The following NTM variants were observed in gnomAD, a reference collection of about 807,000 sequenced individuals.
NTM encodes neurotrimin, also known as IgLON family member 2.
NTM carries 13 observed loss-of-function variants against 42.1 expected under a neutral mutation model. The observed-to-expected ratio is 0.31, with a 90% CI of 0.20 to 0.49. NTM has a LOEUF of 0.49. Among genes scored for constraint, NTM ranks in the 20% least tolerant of loss-of-function variants. The pLI is 0.99. For missense variants in NTM, 373 were observed against 452.8 expected, an observed-to-expected ratio of 0.82 and a Z score of 1.60; for synonymous variants, 187 against 179.2, an observed-to-expected ratio of 1.04 and a Z score of -0.35.
rs563233354 is a variant in NTM, at chr11:131,831,101, A to G, written c.83-80463A>G. On this transcript the variant is annotated intron_variant, in intron 1 of 8. Transcript: ENST00000683400. ...TAGGGTTTTCTACATATGGAATCAC[A>G]TCATCAGCAAAGAAAGATAGTTTGA... Among the ~76,000 whole-genome samples, 5 of 152,292 alleles carry G rather than the reference A, an allele frequency of 3.3e-5. No homozygotes were observed. The East Asian group carries it at 9.7e-4, about 29-fold the overall frequency.
chr11:131,816,590 C>T (rs2092961118), intron 1 of NTM, among the ~76,000 whole-genome samples: 1 of 151,664 alleles, frequency 6.6e-6, no homozygotes, highest in Non-Finnish European at 1.5e-5. Context: ...TCCAATTTAT[C>T]ACTGGCAAAT....
chr11:131,768,304 G>T (rs566461699), intron 1 of NTM, among the ~76,000 whole-genome samples: 30 of 152,092 alleles, frequency 2.0e-4, no homozygotes, highest in African/African-American at 7.2e-4. Context: ...TTTTAGTACA[G>T]ACGGGGTTTC....
chr11:131,999,089 G>T (rs538143658), intron 2 of NTM, among the ~76,000 whole-genome samples: 9 of 152,206 alleles, frequency 5.9e-5, no homozygotes, highest in African/African-American at 1.4e-4. Flanking sequence ...TTTGTGATGT[G>T]GAAGTTTAAC....
intron 1 of NTM, among the ~76,000 whole-genome samples, chr11:131,793,877 A>C (rs928108858): frequency 2.6e-5 from 4 of 152,170 alleles, no homozygotes; most frequent in Admixed American, 2.6e-4. Context: ...GCTTCAGGTC[A>C]TTTCTATACC....
chr11:132,299,419 G>A (rs1288147071), intron 4 of NTM, among the ~76,000 whole-genome samples: 1 of 152,202 alleles, frequency 6.6e-6, no homozygotes, highest in Non-Finnish European at 1.5e-5. Flanking sequence ...GTATGGCAAG[G>A]TGGAGGAGCC....
chr11:132,219,056 C>T (rs768631622), intron 4 of NTM, among the ~76,000 whole-genome samples: 6 of 152,104 alleles, frequency 3.9e-5, no homozygotes, highest in Admixed American at 1.3e-4. Context: ...CCCATTTTCT[C>T]CACACACCAC....
chr11:131,590,197 T>C (rs1424542749), intron 1 of NTM, among the ~76,000 whole-genome samples: 1 of 152,222 alleles, frequency 6.6e-6, no homozygotes, highest in Non-Finnish European at 1.5e-5. Context: ...AAGTCATCTG[T>C]GTCCTTTCTG....
chr11:131,609,007 A>G (rs2061245578), intron 1 of NTM, among the ~76,000 whole-genome samples: 4 of 152,222 alleles, frequency 2.6e-5, no homozygotes, highest in Non-Finnish European at 5.9e-5. Flanking sequence ...ACACCAGGGG[A>G]GCTCATTTAT....
intron 1 of NTM, among the ~76,000 whole-genome samples, chr11:131,619,988 A>G (rs2062358325): frequency 6.6e-6 from 1 of 152,014 alleles, no homozygotes; most frequent in African/African-American, 2.4e-5. Flanking sequence ...TATTTTTAGT[A>G]GAGATGGGGT....
At chr11:131,988,098 T>C (rs529363925) in intron 2 of NTM, among the ~76,000 whole-genome samples, 2 of 152,342 alleles carry the variant, frequency 1.3e-5, no homozygotes, top group East Asian at 3.9e-4. Flanking sequence ...CCTCAGATGG[T>C]GCCTTCTTGC....
At chr11:131,825,977 A>G (rs1222326565) in intron 1 of NTM, among the ~76,000 whole-genome samples, 2 of 152,206 alleles carry the variant, frequency 1.3e-5, no homozygotes, top group Admixed American at 1.3e-4. Flanking sequence ...TTATTGTTTT[A>G]TATGTTAATG....
chr11:131,993,728 C>T (rs568938414), intron 2 of NTM, among the ~76,000 whole-genome samples: 30 of 152,102 alleles, frequency 2.0e-4, no homozygotes, highest in African/African-American at 5.8e-4. Flanking sequence ...ACAGGCTGAG[C>T]GGTGGCTCAT....
intron 4 of NTM, among the ~76,000 whole-genome samples, chr11:132,267,836 C>T (rs912028255): frequency 7.4e-6 from 1 of 134,522 alleles, no homozygotes; most frequent in African/African-American, 2.7e-5. Context: ...AGCAAGACTC[C>T]ATCTCAAAAA....
At chr11:132,222,533 T>C (rs2085376171) in intron 4 of NTM, among the ~76,000 whole-genome samples, 1 of 152,174 alleles carries the variant, frequency 6.6e-6, no homozygotes, top group African/African-American at 2.4e-5. Context: ...TGTAAAATGC[T>C]TTTCTCTCCA....
At chr11:131,575,884 A>G (rs2137129571) in intron 1 of NTM, among the ~76,000 whole-genome samples, 2 of 152,320 alleles carry the variant, frequency 1.3e-5, no homozygotes, top group African/African-American at 4.8e-5. Context: ...TGGATTCCAG[A>G]TGAATTATCT....
At chr11:132,093,896 T>A (rs761534358) in intron 2 of NTM, among the ~76,000 whole-genome samples, 12 of 152,224 alleles carry the variant, frequency 7.9e-5, no homozygotes, top group Non-Finnish European at 1.6e-4. Context: ...TTTCAGAGTT[T>A]AATTGAGCAA....
chr11:131,748,772 G>A (rs938352959), intron 1 of NTM, among the ~76,000 whole-genome samples: 1 of 152,140 alleles, frequency 6.6e-6, no homozygotes, highest in African/African-American at 2.4e-5. Flanking sequence ...CAGATGGGAG[G>A]GGACTGCCTG....
chr11:131,782,360 A>G (rs540520135), intron 1 of NTM, among the ~76,000 whole-genome samples: 1 of 148,628 alleles, frequency 6.7e-6, no homozygotes, highest in Admixed American at 6.7e-5. Flanking sequence ...TACATATATA[A>G]TGTTTCCACA....
At chr11:131,882,870 T>C (rs1448689164) in intron 1 of NTM, among the ~76,000 whole-genome samples, 1 of 151,788 alleles carries the variant, frequency 6.6e-6, no homozygotes, top group African/African-American at 2.4e-5. Flanking sequence ...GAGTTTCTAC[T>C]TCACTGTTTT....
Sources: gnomAD v4.1 joint callset for allele counts (sites outside exome capture counted in the v4.1 genomes callset) on GRCh38, gnomAD v4.1.1 for gene constraint, MANE v1.5 for transcripts, NCBI Gene and HGNC (gene_info 2026-07-23, HGNC 2026-07-21) for gene names.